SNTG2: variants seen among roughly 807,000 people sequenced by gnomAD.
The protein encoded by SNTG2 is syntrophin gamma 2.
A neutral mutation model predicts 70.9 loss-of-function variants in SNTG2; 74 were observed. That is an observed-to-expected ratio of 1.04 (90% CI 0.86 to 1.27). SNTG2 has a LOEUF of 1.27. Ranked by LOEUF, SNTG2 falls within the 50% of genes most tolerant of loss-of-function variation. The pLI is 0.00. For synonymous variants in SNTG2, 278 were observed against 273.8 expected, an observed-to-expected ratio of 1.02 and a Z score of -0.15; for missense variants, 717 against 690.7, an observed-to-expected ratio of 1.04 and a Z score of -0.43.
chr2:972,134 T>A (rs527749310), intron 1 of SNTG2, among the ~76,000 whole-genome samples: 1 of 152,324 alleles, frequency 6.6e-6, no homozygotes, highest in South Asian at 2.1e-4. Flanking sequence ...GGTATAGAGC[T>A]CTGTAGATAT....
intron 16 of SNTG2, 145 bp from the exon 17 acceptor site, chr2:1,367,193 TTTTAC>T (rs1558236649): frequency 2.8e-6 from 2 of 713,974 alleles, no homozygotes. Flanking sequence ...TTACTCTGCC[TTTTAC>T]TTTAAACCAT....
intron 1 of SNTG2, among the ~76,000 whole-genome samples, chr2:1,063,428 G>T (rs548962167): frequency 6.6e-6 from 1 of 152,114 alleles, no homozygotes; most frequent in Admixed American, 6.5e-5. Context: ...CAGCAGGGCC[G>T]AGAGAAGAGT....
At chr2:965,691 C>T (rs1211592587) in intron 1 of SNTG2, among the ~76,000 whole-genome samples, 1 of 152,030 alleles carries the variant, frequency 6.6e-6, no homozygotes, top group Non-Finnish European at 1.5e-5. Flanking sequence ...TGTGTGCTCT[C>T]CCCTGGAATT....
chr2:1,063,074 A>T (rs1186607878), intron 1 of SNTG2, among the ~76,000 whole-genome samples: 5 of 152,250 alleles, frequency 3.3e-5, no homozygotes, highest in African/African-American at 4.8e-5. Flanking sequence ...TGTGGCAAGT[A>T]GCAAGAGACT....
At chr2:1,197,793 C>A (rs2147958704) in intron 8 of SNTG2, among the ~76,000 whole-genome samples, 1 of 152,148 alleles carries the variant, frequency 6.6e-6, no homozygotes, top group East Asian at 1.9e-4. Context: ...CTCAGCCTCC[C>A]AAAGTGCTGG....
At chr2:1,206,117 G>C (rs997325934) in intron 8 of SNTG2, among the ~76,000 whole-genome samples, 4 of 152,202 alleles carry the variant, frequency 2.6e-5, no homozygotes, top group African/African-American at 9.7e-5. Context: ...TGATCAGCTG[G>C]TAGGAACATG....
intron 1 of SNTG2, among the ~76,000 whole-genome samples, chr2:1,046,405 T>C (rs1468308999): frequency 6.6e-6 from 1 of 152,166 alleles, no homozygotes; most frequent in Non-Finnish European, 1.5e-5. Context: ...CATCGTGTTA[T>C]TAGGTAGTTG....
intron 14 of SNTG2, among the ~76,000 whole-genome samples, chr2:1,288,386 T>C (rs1178966632): frequency 6.6e-6 from 1 of 152,146 alleles, no homozygotes; most frequent in Non-Finnish European, 1.5e-5. Flanking sequence ...GAAGAAGAAA[T>C]TTGTATCGCC....
intron 8 of SNTG2, among the ~76,000 whole-genome samples, chr2:1,180,154 T>C (rs36198069): frequency 0.04 from 3,692 of 93,368 alleles, 35 homozygotes; most frequent in East Asian, 0.18. Context: ...GACATAGGCA[T>C]GGGCAAGGAC....
chr2:1,365,474 T>A (rs548021041), intron 16 of SNTG2, among the ~76,000 whole-genome samples: 1 of 152,096 alleles, frequency 6.6e-6, no homozygotes, highest in African/African-American at 2.4e-5. Context: ...CACTAGGAGG[T>A]TGGGGGCAGC....
At chr2:988,017 C>T (rs775452354) in intron 1 of SNTG2, among the ~76,000 whole-genome samples, 7 of 152,346 alleles carry the variant, frequency 4.6e-5, no homozygotes, top group South Asian at 2.1e-4. Context: ...TCGCCCTGCT[C>T]GCCACAGCCC....
intron 9 of SNTG2, among the ~76,000 whole-genome samples, chr2:1,232,892 C>A (rs2148082498): frequency 6.6e-6 from 1 of 152,212 alleles, no homozygotes; most frequent in African/African-American, 2.4e-5. Context: ...CACACACACA[C>A]ACATGCACAC....
At position 1,137,622 on chromosome 2, in the gene SNTG2, C is replaced by T. The variant is rs1387719636; in HGVS notation, c.326C>T (p.Ala109Val). The change falls in exon 5 of 17, where the codon GCT becomes GTT. Residue 109 changes from alanine (A) to valine (V), a missense_variant and splice_region_variant. Transcript: ENST00000308624. ...TGTTGCCACTTTTGCCACCCTGCAGCTGACCAGACAGGGATGTTGTTCGTA... is the reference window on the plus strand; with the variant it reads ...TGTTGCCACTTTTGCCACCCTGCAGTTGACCAGACAGGGATGTTGTTCGTA... ...VISKIFEDQA[A>V]DQTGMLFVGD... The T allele has an allele frequency of 3.7e-6, 6 of 1,613,086 alleles. 1 individual carries two copies. The South Asian group carries it at 6.6e-5, about 18-fold the overall frequency.
intron 2 of SNTG2, among the ~76,000 whole-genome samples, chr2:1,090,213 T>C (rs1372041335): frequency 3.3e-5 from 5 of 152,244 alleles, no homozygotes; most frequent in African/African-American, 4.8e-5. Flanking sequence ...TGAGTTGTTA[T>C]ATGAACTGTC....
intron 4 of SNTG2, among the ~76,000 whole-genome samples, chr2:1,111,247 G>A (rs1486848231): frequency 3.3e-5 from 5 of 152,316 alleles, no homozygotes; most frequent in East Asian, 1.9e-4. Flanking sequence ...GAGAAATGCC[G>A]AAACCTCAAA....
chr2:1,164,686 G>A (rs976198757), intron 6 of SNTG2, among the ~76,000 whole-genome samples: 57 of 151,850 alleles, frequency 3.8e-4, no homozygotes, highest in Admixed American at 3.3e-3. Flanking sequence ...AGTAAGGCAG[G>A]AACCTGCTCA....
At chr2:1,045,665 A>C (rs1661694162) in intron 1 of SNTG2, among the ~76,000 whole-genome samples, 1 of 152,056 alleles carries the variant, frequency 6.6e-6, no homozygotes, top group African/African-American at 2.4e-5. Flanking sequence ...CAGATTTTTT[A>C]ATTTCAGTGT....
At chr2:1,283,162 G>A (rs1679626534) in intron 14 of SNTG2, among the ~76,000 whole-genome samples, 1 of 152,056 alleles carries the variant, frequency 6.6e-6, no homozygotes, top group Non-Finnish European at 1.5e-5. Context: ...AAAGGCAGGT[G>A]AACTGTGGCC....
chr2:1,132,881 A>C (rs145646650), intron 4 of SNTG2, among the ~76,000 whole-genome samples: 182 of 152,334 alleles, frequency 1.2e-3, no homozygotes, highest in Non-Finnish European at 2.0e-3. Flanking sequence ...AGTGAGAACC[A>C]TGCATTTGCC....
Sources: gnomAD v4.1 joint callset for allele counts (sites outside exome capture counted in the v4.1 genomes callset) on GRCh38, gnomAD v4.1.1 for gene constraint, MANE v1.5 for transcripts, NCBI Gene and HGNC (gene_info 2026-07-23, HGNC 2026-07-21) for gene names.